The following LHFPL3 variants were observed in gnomAD, a reference collection of about 807,000 sequenced individuals.
LHFPL3 encodes LHFPL tetraspan subfamily member 3 protein.
In LHFPL3, 5 loss-of-function variants were observed where a neutral mutation model predicts 19.3. That is an observed-to-expected ratio of 0.26 (90% CI 0.14 to 0.54). LHFPL3 has a LOEUF of 0.54. Ranked by LOEUF, LHFPL3 falls within the 20% of genes least tolerant of loss-of-function variation. The pLI, the probability that LHFPL3 is intolerant of heterozygous loss-of-function variation, is 0.94. For synonymous variants in LHFPL3, 133 were observed against 126.2 expected (o/e 1.05, Z -0.36); for missense variants, 249 against 307.4 (o/e 0.81, Z 1.42).
chr7:104,692,332 A>C (rs1792920532), intron 1 of LHFPL3, among the ~76,000 whole-genome samples: 1 of 152,258 alleles, frequency 6.6e-6, no homozygotes, highest in South Asian at 2.1e-4. Flanking sequence ...TGAAGTAACA[A>C]AGAGCCAAAT....
At chr7:104,369,262 C>G (rs937927888) in intron 1 of LHFPL3, among the ~76,000 whole-genome samples, 3 of 152,180 alleles carry the variant, frequency 2.0e-5, no homozygotes, top group African/African-American at 7.2e-5. Flanking sequence ...AACCACTGAT[C>G]TGCTTTATAT....
intron 1 of LHFPL3, among the ~76,000 whole-genome samples, chr7:104,617,744 A>C (rs554277418): frequency 3.9e-5 from 6 of 152,324 alleles, no homozygotes; most frequent in Non-Finnish European, 8.8e-5. Context: ...ATGAGACTTC[A>C]GATTTTTGGT....
intron 2 of LHFPL3, among the ~76,000 whole-genome samples, chr7:104,738,026 G>T (rs921338931): frequency 3.9e-5 from 6 of 152,128 alleles, no homozygotes; most frequent in Non-Finnish European, 8.8e-5. Context: ...CATAGAAATA[G>T]TCTATGGACT....
In LHFPL3 at chr7:104,408,657, T is replaced by C. The variant is rs983747868; in HGVS notation, c.445+79433T>C. On this transcript the variant is annotated intron_variant, in intron 1 of 2. Transcript: ENST00000424859. ...ATCACAACTTGAAAATGTTTACTGG[T>C]AGAGTCTATGTCAGAAACAGTAAAA... Among the ~76,000 whole-genome samples the C allele has an allele frequency of 3.9e-5, 6 of 152,174 alleles. No individual in the cohort carries two copies. The East Asian group carries it at 1.2e-3, about 29-fold the overall frequency.
chr7:104,726,576 T>C (rs114384773), intron 1 of LHFPL3, among the ~76,000 whole-genome samples: 7 of 152,302 alleles, frequency 4.6e-5, no homozygotes, highest in African/African-American at 1.4e-4. Flanking sequence ...AGTGAGACCA[T>C]GCAGTGTCTG....
chr7:104,646,015 T>G (rs935076640), intron 1 of LHFPL3, among the ~76,000 whole-genome samples: 4 of 152,092 alleles, frequency 2.6e-5, no homozygotes, highest in African/African-American at 9.7e-5. Context: ...CCCCCATAGC[T>G]CTCCAGACAA....
intron 1 of LHFPL3, among the ~76,000 whole-genome samples, chr7:104,546,839 C>G (rs1020161985): frequency 2.6e-5 from 4 of 152,110 alleles, no homozygotes; most frequent in African/African-American, 9.7e-5. Flanking sequence ...TTACTCTGAG[C>G]CAGTTTTCTC....
intron 1 of LHFPL3, among the ~76,000 whole-genome samples, chr7:104,334,917 T>A (rs1054804721): frequency 3.9e-5 from 6 of 152,190 alleles, no homozygotes; most frequent in Non-Finnish European, 8.8e-5. Flanking sequence ...GGACTTGTTC[T>A]AGGTTGGATT....
At chr7:104,402,736 T>A (rs1007667731) in intron 1 of LHFPL3, among the ~76,000 whole-genome samples, 1 of 152,104 alleles carries the variant, frequency 6.6e-6, no homozygotes, top group Non-Finnish European at 1.5e-5. Flanking sequence ...AATTATACTA[T>A]TTTTTTGCTT....
chr7:104,568,809 C>T (rs1366947037), intron 1 of LHFPL3, among the ~76,000 whole-genome samples: 1 of 152,214 alleles, frequency 6.6e-6, no homozygotes, highest in African/African-American at 2.4e-5. Flanking sequence ...AACCAGAATT[C>T]ATCTCCTAAA....
intron 2 of LHFPL3, among the ~76,000 whole-genome samples, chr7:104,763,237 A>G (rs965759085): frequency 6.6e-6 from 1 of 152,224 alleles, no homozygotes; most frequent in African/African-American, 2.4e-5. Flanking sequence ...CAATGTCCCA[A>G]CCTTCGCCAG....
chr7:104,429,301 C>CTTTTTTTTTTTTT (rs71823474), intron 1 of LHFPL3, among the ~76,000 whole-genome samples: 1 of 84,532 alleles, frequency 1.2e-5, no homozygotes, highest in African/African-American at 5.4e-5. Flanking sequence ...TATGTCATTC[C>CTTTTTTTTTTTTT]TTTTTTTTTT....
intron 1 of LHFPL3, among the ~76,000 whole-genome samples, chr7:104,644,055 A>G (rs1378340429): frequency 6.6e-6 from 1 of 152,224 alleles, no homozygotes; most frequent in Non-Finnish European, 1.5e-5. Context: ...ATTGATAAAA[A>G]AAACTTTTCT....
At chr7:104,380,580 A>G (rs12705208) in intron 1 of LHFPL3, among the ~76,000 whole-genome samples, 66,578 of 151,914 alleles carry the variant, frequency 0.44, 14,874 homozygotes, top group Admixed American at 0.56. Context: ...TTGAGTTTCA[A>G]GAGTAAAGAA....
intron 1 of LHFPL3, among the ~76,000 whole-genome samples, chr7:104,663,456 A>G (rs1792269587): frequency 6.6e-6 from 1 of 152,224 alleles, no homozygotes. Context: ...CCCCAGCTTC[A>G]GGAGGAGCCA....
intron 1 of LHFPL3, among the ~76,000 whole-genome samples, chr7:104,444,312 G>C (rs144436403): frequency 1.3e-5 from 2 of 152,138 alleles, no homozygotes; most frequent in Admixed American, 1.3e-4. Flanking sequence ...TTTTTTTGGC[G>C]CTGTCAGAGA....
chr7:104,687,197 C>G (rs1456734032), intron 1 of LHFPL3, among the ~76,000 whole-genome samples: 3 of 152,160 alleles, frequency 2.0e-5, no homozygotes, highest in African/African-American at 7.2e-5. Flanking sequence ...CATTTACCTA[C>G]TTATTATAAA....
intron 1 of LHFPL3, among the ~76,000 whole-genome samples, chr7:104,478,129 T>G (rs900995850): frequency 2.0e-5 from 3 of 152,226 alleles, no homozygotes; most frequent in Non-Finnish European, 1.5e-5. Context: ...GACATAATAT[T>G]TTAAAAGTTA....
intron 2 of LHFPL3, among the ~76,000 whole-genome samples, chr7:104,874,393 T>C (rs1428462255): frequency 2.9e-5 from 4 of 138,824 alleles, no homozygotes. Context: ...AGGAATGCTT[T>C]TTTTTTTTTT....
Sources: allele counts gnomAD v4.1 joint callset (sites outside exome capture counted in the v4.1 genomes callset), GRCh38; gene constraint gnomAD v4.1.1; transcripts MANE v1.5; gene names NCBI Gene and HGNC (gene_info 2026-07-23, HGNC 2026-07-21).